Variants in PPARA observed in about 807,000 individuals in gnomAD.
PPARA encodes peroxisome proliferator-activated receptor alpha.
A neutral mutation model predicts 42.2 loss-of-function variants in PPARA; 22 were observed. The ratio of observed to expected loss-of-function variants is 0.52; its 90% CI spans 0.37 to 0.74. The LOEUF is 0.74. Among genes scored for constraint, PPARA ranks in the 30% least tolerant of loss-of-function variants. The probability of loss-of-function intolerance (pLI) is 0.00; values close to 1 mark genes in which losing one functional copy is unlikely to be tolerated. For synonymous variants in PPARA, 242 were observed against 239.3 expected (o/e 1.01, Z -0.10); for missense variants, 465 against 608.2 (o/e 0.76, Z 2.48).
In PPARA at chr22:46,195,300, A is replaced by G. The variant is rs1281672197; in HGVS notation, c.-42-3042A>G. 6.6e-6 allele frequency among the ~76,000 whole-genome samples: 1 copy of G among 152,188 alleles called. No homozygotes were observed. Among genetic ancestry groups the G allele is most frequent in the Non-Finnish European group, 1.5e-5 (1 of 68,030 alleles). ...TTTTGTTCATAGTGAAAAATATTTT[A>G]AGTAATGCTTACCCCATTATGTTTC... is the stretch of plus-strand genomic sequence containing the variant. On this transcript the variant is annotated intron_variant, in intron 3 of 8. Transcript: ENST00000407236. This position sits in a 1 kb window ranked among gnomAD's most constrained non-coding sequence, Gnocchi z 4.6.
At chr22:46,169,258 GTTGT>G (rs563682010) in intron 2 of PPARA, among the ~76,000 whole-genome samples, 68 of 142,282 alleles carry the variant, frequency 4.8e-4, no homozygotes, top group Non-Finnish European at 8.1e-4. Flanking sequence ...ATGTTTGTTT[GTTGT>G]TTGTTTGTTT....
rs1340000782 is a variant in PPARA, at chr22:46,196,892, T to C, written c.-42-1450T>C. ...TGCCTGCCACCATGCCCAGCTAATT[T>C]TTGTATTTTTAGTAGAGACAGAGTT... is the stretch of plus-strand genomic sequence containing the variant. On this transcript the variant is annotated intron_variant, in intron 3 of 8. Transcript: ENST00000407236. The surrounding 1 kb of genome is among the most constrained non-coding windows in gnomAD (Gnocchi z 5.6). Among the ~76,000 whole-genome samples, 1 of 151,206 alleles carries C rather than the reference T, an allele frequency of 6.6e-6. No homozygotes were observed. Among genetic ancestry groups the C allele is most frequent in the Non-Finnish European group, 1.5e-5 (1 of 67,874 alleles).
Position 46,191,186 on chromosome 22 carries a change from T to G in PPARA, c.-42-7156T>G, listed in dbSNP as rs1313339088. 6.6e-6 allele frequency among the ~76,000 whole-genome samples: 1 copy of G among 152,168 alleles called. No homozygotes were observed. Among genetic ancestry groups the G allele is most frequent in the Non-Finnish European group, 1.5e-5 (1 of 68,036 alleles). ...TCCAGCCTGGGTGACAGAGTGAGAC[T>G]GCATCTATAAAAACAACAACAAAAA... is the stretch of plus-strand genomic sequence containing the variant. On this transcript the variant is annotated intron_variant, in intron 3 of 8. Coordinates refer to ENST00000407236, the MANE Select transcript of PPARA (RefSeq NM_005036.6). The surrounding 1 kb of genome is among the most constrained non-coding windows in gnomAD (Gnocchi z 4.6).
chr22:46,198,712 G>C (rs933490724), intron 4 of PPARA, 121 bp downstream of exon 4: 3 of 1,032,306 alleles, frequency 2.9e-6, no homozygotes, highest in African/African-American at 1.7e-5. Context: ...CCAGGCTGGA[G>C]TGCAATGGCT....
intron 4 of PPARA, among the ~76,000 whole-genome samples, chr22:46,206,874 T>C (rs1180156739): frequency 2.0e-5 from 3 of 152,150 alleles, no homozygotes; most frequent in Non-Finnish European, 4.4e-5. Flanking sequence ...GGTAACGAAT[T>C]ACTAGCTTTT....
intron 2 of PPARA, among the ~76,000 whole-genome samples, chr22:46,154,343 C>T (rs552055166): frequency 1.1e-4 from 17 of 152,264 alleles, no homozygotes; most frequent in South Asian, 4.1e-4. Flanking sequence ...GTAGCCTGGG[C>T]GCAGTGGCTC....
chr22:46,171,066 CAGG>C lies in PPARA; in HGVS notation c.-126-5684_-126-5682del, dbSNP rs1308120347. Among the ~76,000 whole-genome samples the C allele has an allele frequency of 1.3e-5, 2 of 151,962 alleles. No individual in the cohort carries two copies. The highest frequency in any genetic ancestry group is 2.4e-5 in the African/African-American group (1 of 41,378). Reference sequence around the variant, plus strand: ...ATCCCAGCTACTTGGGAGGCTGAGGCAGGAGAATTGCTTGAGCCCAGGAGGCAG... The same window carrying C: ...ATCCCAGCTACTTGGGAGGCTGAGGCAGAATTGCTTGAGCCCAGGAGGCAG... On this transcript the variant is annotated intron_variant, in intron 2 of 8. Coordinates refer to ENST00000407236, the MANE Select transcript of PPARA (RefSeq NM_005036.6). The surrounding 1 kb of genome is among the most constrained non-coding windows in gnomAD (Gnocchi z 5.0).
intron 2 of PPARA, among the ~76,000 whole-genome samples, chr22:46,157,090 G>T (rs568333038): frequency 2.0e-5 from 3 of 152,296 alleles, no homozygotes; most frequent in East Asian, 3.9e-4. Context: ...ACCCGGTGCT[G>T]CCTGCACCCC....
chr22:46,185,958 T>A (rs1411331086), intron 3 of PPARA, among the ~76,000 whole-genome samples: 1 of 54,084 alleles, frequency 1.8e-5, no homozygotes, highest in Non-Finnish European at 3.5e-5. Context: ...TATATATATA[T>A]ATATATACAC....
chr22:46,192,218 G>C lies in PPARA; in HGVS notation c.-42-6124G>C, dbSNP rs1931659481. On this transcript the variant is annotated intron_variant, in intron 3 of 8. Transcript: ENST00000407236. This position sits in a 1 kb window ranked among gnomAD's most constrained non-coding sequence, Gnocchi z 4.3. Reference sequence around the variant, plus strand: ...GACAGACACGTAAAAAGTTTCAACAGCACAGATAATCAGGGCTACACCAGA... The same window carrying C: ...GACAGACACGTAAAAAGTTTCAACACCACAGATAATCAGGGCTACACCAGA... 6.6e-6 allele frequency among the ~76,000 whole-genome samples: 1 copy of C among 152,224 alleles called. No individual in the cohort carries two copies. Among genetic ancestry groups the C allele is most frequent in the Non-Finnish European group, 1.5e-5 (1 of 68,044 alleles).
At chr22:46,177,420 T>C (rs1929308220) in intron 3 of PPARA, among the ~76,000 whole-genome samples, 2 of 141,938 alleles carry the variant, frequency 1.4e-5, no homozygotes, top group South Asian at 2.3e-4. Context: ...GCTGAGACCG[T>C]GCCACTGCAC....
rs1225466205 is a variant in PPARA, at chr22:46,192,215, A to G, written c.-42-6127A>G. Among the ~76,000 whole-genome samples, 1 of 152,250 alleles carries G rather than the reference A, an allele frequency of 6.6e-6. No individual in the cohort carries two copies. The highest frequency in any genetic ancestry group is 2.4e-5 in the African/African-American group (1 of 41,462). ...AGAGACAGACACGTAAAAAGTTTCA[A>G]CAGCACAGATAATCAGGGCTACACC... is the stretch of plus-strand genomic sequence containing the variant. On this transcript the variant is annotated intron_variant, in intron 3 of 8. Transcript: ENST00000407236. This position sits in a 1 kb window ranked among gnomAD's most constrained non-coding sequence, Gnocchi z 4.3.
chr22:46,197,618 G>A (rs1414034635), intron 3 of PPARA, among the ~76,000 whole-genome samples: 1 of 152,016 alleles, frequency 6.6e-6, no homozygotes. Context: ...AACCAAGCAA[G>A]TGGCCAGGCG....
rs1936302391 is a variant in PPARA, at chr22:46,239,230, T to C, written c.*3850T>C. The C allele has an allele frequency of 6.6e-6, 1 of 152,164 alleles. No individual in the cohort carries two copies. Among genetic ancestry groups the C allele is most frequent in the South Asian group, 2.1e-4 (1 of 4,820 alleles). 9.4% of individuals were successfully genotyped at this position (152,164 alleles called of 1,614,324 possible). On this transcript the variant is annotated 3_prime_UTR_variant, in exon 9 of 9. Transcript: ENST00000407236. ...GGGAAACAGCCTTCCTGGAGCGTTG[T>C]CTGGAGGTTCCAGGGACAGGGCAGC... is the stretch of plus-strand genomic sequence containing the variant.
chr22:46,206,994 G>A (rs747367572), intron 4 of PPARA, among the ~76,000 whole-genome samples: 1 of 151,990 alleles, frequency 6.6e-6, no homozygotes, highest in Non-Finnish European at 1.5e-5. Context: ...AGGCCGAGGC[G>A]GGTGGATCAC....
chr22:46,175,128 C>T (rs1928830944), intron 2 of PPARA, among the ~76,000 whole-genome samples: 1 of 151,994 alleles, frequency 6.6e-6, no homozygotes, highest in Non-Finnish European at 1.5e-5. Context: ...AGGCTGGTCT[C>T]AGATTCCTGA....
intron 3 of PPARA, among the ~76,000 whole-genome samples, chr22:46,197,230 A>G (rs1932367633): frequency 6.6e-6 from 1 of 151,450 alleles, no homozygotes; most frequent in Non-Finnish European, 1.5e-5. Context: ...TTGTATTTTT[A>G]GTAGAGATGG....
chr22:46,225,048 C>T lies in PPARA; in HGVS notation c.711+5034C>T, dbSNP rs773275082. 1.3e-5 allele frequency among the ~76,000 whole-genome samples: 2 copies of T among 151,906 alleles called. No individual in the cohort carries two copies. The highest frequency in any genetic ancestry group is 3.9e-4 in the East Asian group (2 of 5,156). On this transcript the variant is annotated intron_variant, in intron 7 of 8. Coordinates refer to ENST00000407236, the MANE Select transcript of PPARA (RefSeq NM_005036.6). This position sits in a 1 kb window ranked among gnomAD's most constrained non-coding sequence, Gnocchi z 4.1. ...AGGAGGCTTGGGTCGGGGTTGGAAC[C>T]GGCCAGGGTGCACGGAGGAGGCTGT...
At position 46,156,531 on chromosome 22, in the gene PPARA, G is replaced by A. The variant is rs1037803352; in HGVS notation, c.-127+4561G>A. 1 of 152,116 alleles carries A rather than the reference G, an allele frequency of 6.6e-6. No individual in the cohort carries two copies. Among genetic ancestry groups the A allele is most frequent in the Non-Finnish European group, 1.5e-5 (1 of 68,016 alleles). 9.4% of individuals were successfully genotyped at this position (152,116 alleles called of 1,614,324 possible). On this transcript the variant is annotated intron_variant, in intron 2 of 8. Transcript: ENST00000407236. This position sits in a 1 kb window ranked among gnomAD's most constrained non-coding sequence, Gnocchi z 5.2. Reference sequence around the variant, plus strand: ...ACCGTACCCCTTATACACCAAAACTGGTTTTCATTTTGGAATATAAAAGTG... The same window carrying A: ...ACCGTACCCCTTATACACCAAAACTAGTTTTCATTTTGGAATATAAAAGTG...
Sources: gnomAD v4.1 joint callset for allele counts (sites outside exome capture counted in the v4.1 genomes callset) on GRCh38, gnomAD v4.1.1 for gene constraint, Gnocchi (gnomAD v3.1) non-coding constraint, MANE v1.5 for transcripts, NCBI Gene and HGNC (gene_info 2026-07-23, HGNC 2026-07-21) for gene names.